The following FAM50B variants were observed in gnomAD, a reference collection of about 807,000 sequenced individuals.
FAM50B encodes protein FAM50B.
A neutral mutation model predicts 25.4 loss-of-function variants in FAM50B; 9 were observed. The ratio of observed to expected loss-of-function variants is 0.35; its 90% CI spans 0.21 to 0.62. The LOEUF is 0.62. Ranked by LOEUF, FAM50B falls within the 20% of genes least tolerant of loss-of-function variation. FAM50B has a pLI of 0.73. For synonymous variants in FAM50B, 212 were observed against 204.3 expected (o/e 1.04, Z -0.32); for missense variants, 372 against 477.9 (o/e 0.78, Z 2.07).
the FAM50B span, among the ~76,000 whole-genome samples, chr6:3,838,586 G>A: frequency 2.0e-5 from 3 of 151,510 alleles, no homozygotes; most frequent in African/African-American, 4.9e-5. Context: ...GCTCACACCT[G>A]TAATCCGAGC....
upstream of FAM50B, among the ~76,000 whole-genome samples, chr6:3,845,498 TG>T (rs1483403217): frequency 6.6e-6 from 1 of 151,946 alleles, no homozygotes; most frequent in Non-Finnish European, 1.5e-5. Context: ...AAAAAAGAGG[TG>T]GAGAGGCTAT....
At chr6:3,843,340 C>A in the FAM50B span, among the ~76,000 whole-genome samples, 1 of 152,130 alleles carries the variant, frequency 6.6e-6, no homozygotes, top group Non-Finnish European at 1.5e-5. Flanking sequence ...CAGGAAACTG[C>A]TTTTTTGTTT....
At chr6:3,836,495 A>G in the FAM50B span, among the ~76,000 whole-genome samples, 1 of 152,218 alleles carries the variant, frequency 6.6e-6, no homozygotes, top group Non-Finnish European at 1.5e-5. Context: ...TCCAGGGAAA[A>G]CAGTATGCAC....
upstream of FAM50B, among the ~76,000 whole-genome samples, chr6:3,848,994 G>GC (rs1369620853): frequency 1.3e-5 from 2 of 152,240 alleles, no homozygotes; most frequent in African/African-American, 4.8e-5. Context: ...GGGTTGGAGA[G>GC]CAGGGCCGTG....
chr6:3,849,260 CG>C (rs1762164339), upstream of FAM50B: 1 of 153,520 alleles, frequency 6.5e-6, no homozygotes, highest in Non-Finnish European at 1.4e-5. Flanking sequence ...TCCCAGGGCC[CG>C]CCTCCCCGCC....
the FAM50B span, among the ~76,000 whole-genome samples, chr6:3,836,577 A>T: frequency 6.6e-6 from 1 of 152,206 alleles, no homozygotes; most frequent in Non-Finnish European, 1.5e-5. Context: ...CTCAGTCAAG[A>T]TCTAGCAAGT....
chr6:3,841,987 G>C, the FAM50B span, among the ~76,000 whole-genome samples: 2 of 152,232 alleles, frequency 1.3e-5, no homozygotes, highest in African/African-American at 4.8e-5. Context: ...CCTGAGCCCA[G>C]TCAAAGGTCC....
the FAM50B span, among the ~76,000 whole-genome samples, chr6:3,836,883 A>C: frequency 3.3e-5 from 5 of 152,302 alleles, no homozygotes; most frequent in Admixed American, 2.6e-4. Flanking sequence ...ACAGTCCCTG[A>C]GATCAACTTC....
rs1047403426 is a variant in FAM50B at position 3,851,021 on chromosome 6, A to G, written c.*232A>G. 2.2e-5 allele frequency: 14 copies of G among 632,892 alleles called. No homozygotes were observed. In the African/African-American group the frequency reaches 2.2e-4, roughly 10 times the overall value. The allele number at this position is 632,892 out of a possible 1,614,324, so 39.2% of individuals were successfully genotyped here. Reference sequence around the variant, plus strand: ...CTGGATTTGCTGCATTGCTCTGCTGAGCTGTATTGAAACCATGACTGGGCC... The same window carrying G: ...CTGGATTTGCTGCATTGCTCTGCTGGGCTGTATTGAAACCATGACTGGGCC... On this transcript the variant is annotated 3_prime_UTR_variant, in exon 2 of 2. Coordinates refer to ENST00000648326, the MANE Select transcript of FAM50B (RefSeq NM_012135.3).
chr6:3,834,082 G>C, the FAM50B span, among the ~76,000 whole-genome samples: 1 of 152,140 alleles, frequency 6.6e-6, no homozygotes, highest in South Asian at 2.1e-4. Flanking sequence ...TTTTAATTTA[G>C]TACCCTTTTT....
At chr6:3,848,994 G>A (rs551280544), upstream of FAM50B, among the ~76,000 whole-genome samples, 5 of 152,358 alleles carry the variant, frequency 3.3e-5, no homozygotes, top group South Asian at 6.2e-4. Context: ...GGGTTGGAGA[G>A]CAGGGCCGTG....
chr6:3,846,552 T>C (rs1176274868), upstream of FAM50B, among the ~76,000 whole-genome samples: 1 of 152,236 alleles, frequency 6.6e-6, no homozygotes, highest in Non-Finnish European at 1.5e-5. Context: ...GGCAGTTTCT[T>C]AAATCAATAT....
chr6:3,843,611 GC>G, the FAM50B span, among the ~76,000 whole-genome samples: 1 of 152,128 alleles, frequency 6.6e-6, no homozygotes, highest in African/African-American at 2.4e-5. Flanking sequence ...TCTTGTTCAA[GC>G]TTTTCCCTTC....
chr6:3,839,393 C>T, the FAM50B span, among the ~76,000 whole-genome samples: 1 of 152,104 alleles, frequency 6.6e-6, no homozygotes, highest in Non-Finnish European at 1.5e-5. Context: ...TTCTTCCTCC[C>T]ACATTGGGAT....
the FAM50B span, among the ~76,000 whole-genome samples, chr6:3,843,378 T>G: frequency 6.6e-6 from 1 of 152,268 alleles, no homozygotes; most frequent in East Asian, 1.9e-4. Flanking sequence ...AGGATTACTT[T>G]TCTTTTTAAA....
At chr6:3,843,842 AC>A in the FAM50B span, among the ~76,000 whole-genome samples, 3 of 152,146 alleles carry the variant, frequency 2.0e-5, no homozygotes, top group Non-Finnish European at 4.4e-5. Flanking sequence ...CTTTTTTGGC[AC>A]CTGGTTGATG....
upstream of FAM50B, among the ~76,000 whole-genome samples, chr6:3,845,932 A>G (rs551049621): frequency 6.6e-6 from 1 of 152,208 alleles, no homozygotes; most frequent in South Asian, 2.1e-4. Context: ...CATGTTGGCC[A>G]GGATGGTCTC....
chr6:3,849,738 G>C, intron 1 of FAM50B, 51 bp from the exon 2 acceptor site: 1 of 1,496,056 alleles, frequency 6.7e-7, no homozygotes, highest in Non-Finnish European at 8.9e-7. Flanking sequence ...AGCATTCCCC[G>C]CCGTTGCGTG....
upstream of FAM50B, among the ~76,000 whole-genome samples, chr6:3,849,205 G>T (rs1419073592): frequency 6.6e-6 from 1 of 152,212 alleles, no homozygotes; most frequent in African/African-American, 2.4e-5. Context: ...CCCCGCGCTG[G>T]CCCGCCCCAC....
Sources: allele counts gnomAD v4.1 joint callset (sites outside exome capture counted in the v4.1 genomes callset), GRCh38; gene constraint gnomAD v4.1.1; transcripts MANE v1.5; gene names NCBI Gene and HGNC (gene_info 2026-07-23, HGNC 2026-07-21).